CTNNA2: variants seen among roughly 807,000 people sequenced by gnomAD.
CTNNA2 encodes the protein catenin alpha-2.
Under a neutral mutation model 101.0 loss-of-function variants are expected in CTNNA2, and 42 were observed. The observed-to-expected ratio is 0.42, with a 90% CI of 0.32 to 0.54. The LOEUF (loss-of-function observed/expected upper bound fraction) is 0.54, where lower values mean the gene tolerates loss of function less well. Among genes scored for constraint, CTNNA2 ranks in the 20% least tolerant of loss-of-function variants. CTNNA2 has a pLI of 0.14. For missense variants in CTNNA2, 871 were observed against 1,223.1 expected (o/e 0.71, Z 4.29); for synonymous variants, 450 against 456.4 (o/e 0.99, Z 0.18).
chr2:79,757,665 AC>A (rs1558903190), intron 3 of CTNNA2, among the ~76,000 whole-genome samples: 2 of 152,190 alleles, frequency 1.3e-5, no homozygotes, highest in Non-Finnish European at 2.9e-5. Flanking sequence ...TCCTGTGCAA[AC>A]CTGTCCACCC....
chr2:79,455,068 G>A (rs755155130), intron 4 of CTNNA2, among the ~76,000 whole-genome samples: 12 of 152,148 alleles, frequency 7.9e-5, no homozygotes, highest in Non-Finnish European at 1.8e-4. Context: ...CGATTTGAAA[G>A]CTAGAACAGT....
intron 2 of CTNNA2, among the ~76,000 whole-genome samples, chr2:79,212,398 A>G (rs1674187609): frequency 6.6e-6 from 1 of 152,184 alleles, no homozygotes; most frequent in Admixed American, 6.5e-5. Flanking sequence ...AATGGGCTGT[A>G]CCCTGTAGCA....
At chr2:79,197,079 T>C (rs914739450) in intron 1 of CTNNA2, among the ~76,000 whole-genome samples, 1 of 152,252 alleles carries the variant, frequency 6.6e-6, no homozygotes, top group African/African-American at 2.4e-5. Flanking sequence ...GATCATTTCT[T>C]CAAAGCTTGA....
chr2:80,054,947 G>A (rs1697122573), intron 7 of CTNNA2, among the ~76,000 whole-genome samples: 2 of 152,094 alleles, frequency 1.3e-5, no homozygotes, highest in South Asian at 4.1e-4. Context: ...GAAGAATGGT[G>A]CTATTTTTAT....
chr2:80,378,347 ACT>A (rs1385374245), intron 7 of CTNNA2, among the ~76,000 whole-genome samples: 1 of 148,258 alleles, frequency 6.7e-6, no homozygotes, highest in Non-Finnish European at 1.5e-5. Flanking sequence ...CAAGAGCAAA[ACT>A]CTGTCTCAAA....
At chr2:80,413,967 T>C (rs1427565012) in intron 8 of CTNNA2, among the ~76,000 whole-genome samples, 1 of 152,226 alleles carries the variant, frequency 6.6e-6, no homozygotes, top group Non-Finnish European at 1.5e-5. Flanking sequence ...ACAGGGTAGA[T>C]GTTAAATGGT....
intron 1 of CTNNA2, among the ~76,000 whole-genome samples, chr2:79,584,507 G>A (rs1258772494): frequency 1.3e-5 from 2 of 151,532 alleles, no homozygotes; most frequent in Non-Finnish European, 1.5e-5. Flanking sequence ...AAATGTAGAA[G>A]CAGGTAGATT....
intron 4 of CTNNA2, among the ~76,000 whole-genome samples, chr2:79,420,710 A>C (rs768986804): frequency 2.0e-5 from 3 of 152,204 alleles, no homozygotes; most frequent in Non-Finnish European, 4.4e-5. Context: ...GTGTTAATAA[A>C]GTAAAGCCCT....
intron 7 of CTNNA2, among the ~76,000 whole-genome samples, chr2:80,094,145 C>G (rs1437873306): frequency 6.6e-6 from 1 of 152,172 alleles, no homozygotes; most frequent in Admixed American, 6.5e-5. Flanking sequence ...TTAAGTCTAA[C>G]ATGTAAGTCT....
chr2:79,486,244 T>C (rs1671156405), intron 4 of CTNNA2, among the ~76,000 whole-genome samples: 1 of 125,354 alleles, frequency 8.0e-6, no homozygotes. Flanking sequence ...CCCACAACAA[T>C]CCCCGGTGTG....
chr2:79,248,433 AT>A (rs537235576), intron 2 of CTNNA2, among the ~76,000 whole-genome samples: 3 of 151,856 alleles, frequency 2.0e-5, no homozygotes, highest in African/African-American at 4.8e-5. Context: ...TTTTAATATA[AT>A]TTTTTCCTAG....
intron 7 of CTNNA2, among the ~76,000 whole-genome samples, chr2:80,047,963 A>C (rs1425201231): frequency 6.6e-6 from 1 of 152,192 alleles, no homozygotes; most frequent in Non-Finnish European, 1.5e-5. Flanking sequence ...GGTCACTGAA[A>C]ATTCATGTTT....
At chr2:79,724,964 T>G (rs74386461) in intron 2 of CTNNA2, among the ~76,000 whole-genome samples, 1 of 152,114 alleles carries the variant, frequency 6.6e-6, no homozygotes. Flanking sequence ...CTCCTGCAAG[T>G]AGCATACTAC....
intron 18 of CTNNA2, among the ~76,000 whole-genome samples, chr2:80,642,636 T>C (rs888669562): frequency 6.6e-6 from 1 of 152,248 alleles, no homozygotes; most frequent in African/African-American, 2.4e-5. Flanking sequence ...AGTCGAATTC[T>C]GTTTCTGTTG....
intron 7 of CTNNA2, among the ~76,000 whole-genome samples, chr2:80,056,057 C>T (rs977079250): frequency 6.6e-6 from 1 of 152,152 alleles, no homozygotes; most frequent in Non-Finnish European, 1.5e-5. Flanking sequence ...TCATAGAAGT[C>T]TGGATGCATG....
chr2:79,550,483 A>T lies in CTNNA2; in HGVS notation c.-6+37276A>T, dbSNP rs373840165. ...GAAAGGAGGATGTAGGCCTCACACC[A>T]CATCATCCACTCCATAGCCATAGCC... On this transcript the variant is annotated intron_variant, in intron 1 of 18. Transcript: ENST00000402739. 5.9e-5 allele frequency among the ~76,000 whole-genome samples: 9 copies of T among 152,308 alleles called. No homozygotes were observed. The East Asian group carries it at 1.7e-3, about 29-fold the overall frequency.
chr2:80,525,957 A>G (rs1367749302), intron 9 of CTNNA2, among the ~76,000 whole-genome samples: 1 of 152,146 alleles, frequency 6.6e-6, no homozygotes, highest in Non-Finnish European at 1.5e-5. Flanking sequence ...ATTTTTTGCC[A>G]TTGAAAGTAA....
In CTNNA2 at chr2:80,555,760, G is replaced by A; in HGVS notation, c.1608G>A (p.Leu536=). The change falls in exon 12 of 19, where the codon CTG becomes CTA. Residue 536 remains leucine, a synonymous_variant. Transcript: ENST00000402739. The part of the protein sequence containing the change: ...IALQEGDVDT[L]DRTAGAIRGR... ...TCCAAGAGGGCGATGTGGACACTCTGGACCGGACTGCAGGGGCCATCAGGG... is the reference window on the plus strand; with the variant it reads ...TCCAAGAGGGCGATGTGGACACTCTAGACCGGACTGCAGGGGCCATCAGGG... The A allele has an allele frequency of 6.3e-7, 1 of 1,594,184 alleles. No individual in the cohort carries two copies.
intron 4 of CTNNA2, among the ~76,000 whole-genome samples, chr2:79,448,491 T>C (rs183531362): frequency 1.3e-5 from 2 of 152,144 alleles, no homozygotes; most frequent in Non-Finnish European, 2.9e-5. Context: ...TTCAGGTAAA[T>C]ACAAGGTGCA....
Sources: allele counts gnomAD v4.1 joint callset (sites outside exome capture counted in the v4.1 genomes callset), GRCh38; gene constraint gnomAD v4.1.1; transcripts MANE v1.5; gene names NCBI Gene and HGNC (gene_info 2026-07-23, HGNC 2026-07-21).